Variants in DRICH1 observed in about 807,000 individuals in gnomAD.
The protein encoded by DRICH1 is aspartate rich 1.
A neutral mutation model predicts 39.5 loss-of-function variants in DRICH1; 38 were observed. That is an observed-to-expected ratio of 0.96 (90% CI 0.74 to 1.26). The LOEUF (loss-of-function observed/expected upper bound fraction) is 1.26. DRICH1 is among the 50% of genes most tolerant of loss of function. DRICH1 has a pLI of 0.00. For missense variants in DRICH1, 279 were observed against 270.4 expected, an observed-to-expected ratio of 1.03 and a Z score of -0.22; for synonymous variants, 84 against 99.5, an observed-to-expected ratio of 0.84 and a Z score of 0.93.
chr22:23,588,774 G>C, the DRICH1 span, among the ~76,000 whole-genome samples: 1 of 152,220 alleles, frequency 6.6e-6, no homozygotes, highest in East Asian at 1.9e-4. Flanking sequence ...TCTGCCACCC[G>C]GGTATCTCAC....
At position 23,614,147 on chromosome 22, in the gene DRICH1, A is replaced by T; in HGVS notation, c.609T>A (p.Asp203Glu). ...AGGGAGGTCTTACGTGGATGTCATC[A>T]TCATCTTCTTCTTCTTCATCTTTGT... ...LRHKDEEEEDDDDIHITARIE... is the reference protein window; with the variant it reads ...LRHKDEEEEDEDDIHITARIE... Residue 203 changes from aspartate (D) to glutamate (E), a missense_variant, in exon 9 of 12, where the codon GAT becomes GAA. By Grantham distance (45) the Asp-to-Glu change is conservative (BLOSUM62 2). Transcript: ENST00000317749. 6.2e-7 allele frequency: 1 copy of T among 1,612,004 alleles called. No individual in the cohort carries two copies. The highest frequency in any genetic ancestry group is 8.5e-7 in the Non-Finnish European group (1 of 1,178,028).
In DRICH1 at chr22:23,608,572, T is replaced by C. The variant is rs1926858849; in HGVS notation, c.*192A>G. On this transcript the variant is annotated 3_prime_UTR_variant, in exon 12 of 12. Coordinates refer to ENST00000317749, the MANE Select transcript of DRICH1 (RefSeq NM_016449.4). The stretch of plus-strand genomic sequence containing the variant: ...TGCCAGGCCCAGAAGCACTGGGTCC[T>C]GGATGGTACAGGCCAAACCTAGTGC... The C allele has an allele frequency of 1.7e-6, 1 of 588,612 alleles. No homozygotes were observed. Among genetic ancestry groups the C allele is most frequent in the Admixed American group, 2.8e-5 (1 of 36,070 alleles). 36.5% of individuals were successfully genotyped at this position (588,612 alleles called of 1,614,324 possible).
chr22:23,602,639 T>TG, the DRICH1 span, among the ~76,000 whole-genome samples: 11,311 of 151,704 alleles, frequency 0.075, 809 homozygotes, highest in African/African-American at 0.19. Context: ...GAGCCGAGAT[T>TG]CACCTCTGCA....
intron 1 of DRICH1, among the ~76,000 whole-genome samples, chr22:23,627,731 C>G (rs1928153444): frequency 6.6e-6 from 1 of 152,126 alleles, no homozygotes; most frequent in African/African-American, 2.4e-5. Context: ...GGCAGGGGCA[C>G]CTCACTGTCC....
At chr22:23,618,139 A>T in intron 6 of DRICH1, among the ~76,000 whole-genome samples, 1 of 137,924 alleles carries the variant, frequency 7.3e-6, no homozygotes, top group African/African-American at 2.8e-5. Context: ...TTTGAGACAG[A>T]GTCTCACTCT....
intron 11 of DRICH1, among the ~76,000 whole-genome samples, chr22:23,610,800 C>A (rs555546623): frequency 1.3e-5 from 2 of 151,902 alleles, no homozygotes; most frequent in Non-Finnish European, 2.9e-5. Flanking sequence ...TCTTTCCTAT[C>A]ACTGTCTAAA....
the DRICH1 span, among the ~76,000 whole-genome samples, chr22:23,603,051 G>A: frequency 6.9e-6 from 1 of 145,826 alleles, no homozygotes; most frequent in Non-Finnish European, 1.5e-5. Flanking sequence ...TGTCGCCCAG[G>A]CTGGAGTGCA....
intron 8 of DRICH1, 81 bp from the exon 9 acceptor site, chr22:23,614,295 T>C (rs752816539): frequency 1.8e-4 from 170 of 960,742 alleles, no homozygotes; most frequent in Non-Finnish European, 2.6e-4. Flanking sequence ...GGATGTGGTG[T>C]ATGGAGGTGG....
At chr22:23,626,103 C>T in intron 1 of DRICH1, 55 bp from the exon 2 acceptor site, 1 of 1,275,616 alleles carries the variant, frequency 7.8e-7, no homozygotes, top group Non-Finnish European at 1.1e-6. Context: ...CTGGGAGTCC[C>T]TCAGGGAGCT....
chr22:23,614,277 G>T, intron 8 of DRICH1, 63 bp from the exon 9 acceptor site: 2 of 1,186,832 alleles, frequency 1.7e-6, no homozygotes, highest in South Asian at 1.2e-5. Context: ...CACTCGGGGA[G>T]CTTTGCTGGA....
chr22:23,624,753 T>C, intron 3 of DRICH1, 130 bp downstream of exon 3: 2 of 1,162,008 alleles, frequency 1.7e-6, no homozygotes, highest in South Asian at 1.3e-5. Context: ...TGCTCATAAT[T>C]ATACACTCGC....
At chr22:23,604,306 T>A (rs1926619053), downstream of DRICH1, among the ~76,000 whole-genome samples, 1 of 152,076 alleles carries the variant, frequency 6.6e-6, no homozygotes. Flanking sequence ...TTCTCGAGGC[T>A]CTATGCCTGG....
At chr22:23,608,940 T>G (rs1239101807) in intron 11 of DRICH1, among the ~76,000 whole-genome samples, 172 bp from the exon 12 acceptor site, 1 of 152,170 alleles carries the variant, frequency 6.6e-6, no homozygotes, top group Non-Finnish European at 1.5e-5. Flanking sequence ...CAGAGGTGCC[T>G]CTGTTACAAG....
rs547746639 is a variant in DRICH1, at chr22:23,608,894, G to C, written c.686-126C>G. The C allele has an allele frequency of 1.4e-5, 15 of 1,045,702 alleles. No homozygotes were observed. The African/African-American group carries it at 2.2e-4, about 15-fold the overall frequency. 64.8% of individuals were successfully genotyped at this position (1,045,702 alleles called of 1,614,324 possible). On this transcript the variant is annotated intron_variant, in intron 11 of 11. Coordinates refer to ENST00000317749, the MANE Select transcript of DRICH1 (RefSeq NM_016449.4). Reference sequence around the variant, plus strand: ...TCCCGCCTCTGCAGTCCAGGCTGAGGAGAAATTACAGATGCGGAAACTCAT... The same window carrying C: ...TCCCGCCTCTGCAGTCCAGGCTGAGCAGAAATTACAGATGCGGAAACTCAT...
chr22:23,618,429 T>C (rs2123776845), intron 6 of DRICH1, among the ~76,000 whole-genome samples: 1 of 152,178 alleles, frequency 6.6e-6, no homozygotes, highest in Admixed American at 6.5e-5. Flanking sequence ...CAATTTTTTT[T>C]TTCATAGAGA....
chr22:23,598,289 C>T, the DRICH1 span, among the ~76,000 whole-genome samples: 61,301 of 145,486 alleles, frequency 0.42, 13,543 homozygotes, highest in East Asian at 0.54. Flanking sequence ...CAGGATCACA[C>T]AGCATGTCAC....
At chr22:23,607,747 G>A (rs1051390671), downstream of DRICH1, among the ~76,000 whole-genome samples, 2 of 152,126 alleles carry the variant, frequency 1.3e-5, no homozygotes, top group African/African-American at 2.4e-5. Flanking sequence ...GGCTTTCCAG[G>A]AGAGAACTTT....
the DRICH1 span, among the ~76,000 whole-genome samples, chr22:23,581,760 C>T: frequency 1.3e-5 from 2 of 151,762 alleles, no homozygotes; most frequent in Non-Finnish European, 2.9e-5. Flanking sequence ...GCATGCACCA[C>T]CACGACAAGC....
the DRICH1 span, among the ~76,000 whole-genome samples, chr22:23,594,323 C>T: frequency 2.6e-5 from 4 of 152,226 alleles, no homozygotes; most frequent in Non-Finnish European, 5.9e-5. Context: ...AATCAAAGCA[C>T]TTTGGGAGAC....
Sources: gnomAD v4.1 joint callset for allele counts (sites outside exome capture counted in the v4.1 genomes callset) on GRCh38, gnomAD v4.1.1 for gene constraint, MANE v1.5 for transcripts, NCBI Gene and HGNC (gene_info 2026-07-23, HGNC 2026-07-21) for gene names.